Variants in GFOD2 observed in about 807,000 individuals in gnomAD.
GFOD2 encodes glucose-fructose oxidoreductase domain-containing protein 2.
Under a neutral mutation model 24.6 loss-of-function variants are expected in GFOD2, and 9 were observed. The ratio of observed to expected loss-of-function variants is 0.37; its 90% confidence interval spans 0.22 to 0.64. The LOEUF is 0.64. Among genes scored for constraint, GFOD2 ranks in the 30% least tolerant of loss-of-function variants. GFOD2 has a pLI of 0.65. For missense variants in GFOD2, 476 were observed against 532.5 expected (o/e 0.89, Z 1.04); for synonymous variants, 211 against 224.8 (o/e 0.94, Z 0.55).
intron 1 of GFOD2, among the ~76,000 whole-genome samples, chr16:67,708,837 A>G (rs951159993): frequency 6.6e-6 from 1 of 152,214 alleles, no homozygotes; most frequent in Admixed American, 6.5e-5. Context: ...GGCCAGTGTC[A>G]AGACCCATAC....
intron 1 of GFOD2, 43 bp from the exon 2 acceptor site, chr16:67,685,845 C>A (rs2053262801): frequency 6.1e-6 from 7 of 1,147,106 alleles, no homozygotes; most frequent in Non-Finnish European, 8.6e-6. Flanking sequence ...GGAGAGGACA[C>A]TCAGCTGAGG....
At chr16:67,709,069 G>A (rs548001628) in intron 1 of GFOD2, among the ~76,000 whole-genome samples, 2 of 152,080 alleles carry the variant, frequency 1.3e-5, no homozygotes, top group Non-Finnish European at 2.9e-5. Context: ...TTGGGAGGCC[G>A]AGGCAAGTGG....
At chr16:67,691,875 T>C (rs969719416) in intron 1 of GFOD2, among the ~76,000 whole-genome samples, 1 of 152,154 alleles carries the variant, frequency 6.6e-6, no homozygotes, top group Non-Finnish European at 1.5e-5. Flanking sequence ...ACACCAAAGT[T>C]ACCCTCTGAA....
chr16:67,697,107 G>A (rs1012495652), intron 1 of GFOD2, among the ~76,000 whole-genome samples: 1 of 152,176 alleles, frequency 6.6e-6, no homozygotes, highest in South Asian at 2.1e-4. Flanking sequence ...AGTGTGCCTT[G>A]GCAGGACAGG....
chr16:67,715,460 T>C (rs1811787653), intron 1 of GFOD2, among the ~76,000 whole-genome samples: 1 of 152,220 alleles, frequency 6.6e-6, no homozygotes, highest in South Asian at 2.1e-4. Flanking sequence ...CCCAACCCAA[T>C]GTCTAATTTA....
chr16:67,676,420 A>G (rs1055658743), intron 2 of GFOD2: 13 of 223,460 alleles, frequency 5.8e-5, no homozygotes, highest in African/African-American at 2.8e-4. Flanking sequence ...CCTGGCCCCA[A>G]TTTCTTCAAA....
chr16:67,699,011 T>TA (rs1156239297), intron 1 of GFOD2, among the ~76,000 whole-genome samples: 1 of 152,118 alleles, frequency 6.6e-6, no homozygotes, highest in Non-Finnish European at 1.5e-5. Context: ...CTCATAAACT[T>TA]AGGCACAAAA....
At chr16:67,701,932 T>C (rs1009626774) in intron 1 of GFOD2, among the ~76,000 whole-genome samples, 2 of 152,154 alleles carry the variant, frequency 1.3e-5, no homozygotes, top group African/African-American at 4.8e-5. Context: ...TTTCCCAGAC[T>C]GCCTGAACAT....
chr16:67,691,473 G>A (rs138123711), intron 1 of GFOD2, among the ~76,000 whole-genome samples: 2 of 150,734 alleles, frequency 1.3e-5, no homozygotes, highest in Non-Finnish European at 2.9e-5. Flanking sequence ...CTCCCAAAGC[G>A]CTAGGATTAC....
At chr16:67,705,143 G>T (rs1461003154) in intron 1 of GFOD2, among the ~76,000 whole-genome samples, 1 of 152,152 alleles carries the variant, frequency 6.6e-6, no homozygotes, top group Non-Finnish European at 1.5e-5. Context: ...CCCTGCCATG[G>T]TATCCATTAT....
intron 1 of GFOD2, among the ~76,000 whole-genome samples, chr16:67,710,426 G>T (rs893606881): frequency 6.6e-6 from 1 of 151,994 alleles, no homozygotes; most frequent in Admixed American, 6.6e-5. Flanking sequence ...GTGCAGTGGT[G>T]CGATCTCAGC....
At chr16:67,680,737 C>G in intron 2 of GFOD2, 1 of 976,276 alleles carries the variant, frequency 1.0e-6, no homozygotes. Flanking sequence ...CATTCAATCT[C>G]TTCAATTTAT....
At chr16:67,687,775 G>A (rs2053279533) in intron 1 of GFOD2, among the ~76,000 whole-genome samples, 2 of 143,982 alleles carry the variant, frequency 1.4e-5, no homozygotes, top group South Asian at 4.3e-4. Context: ...TTCAAGATCA[G>A]CACAAGCAAC....
chr16:67,713,983 C>T (rs544345175), intron 1 of GFOD2, among the ~76,000 whole-genome samples: 3 of 152,066 alleles, frequency 2.0e-5, no homozygotes, highest in Admixed American at 6.5e-5. Flanking sequence ...AAAGCAACTG[C>T]GGTTTTTGCC....
At chr16:67,700,861 C>G (rs562327817) in intron 1 of GFOD2, among the ~76,000 whole-genome samples, 1 of 148,408 alleles carries the variant, frequency 6.7e-6, no homozygotes, top group African/African-American at 2.5e-5. Context: ...GGTGAAACCC[C>G]GTTCCTACTA....
intron 1 of GFOD2, among the ~76,000 whole-genome samples, chr16:67,697,296 C>A (rs1006548364): frequency 6.6e-5 from 10 of 152,234 alleles, no homozygotes; most frequent in South Asian, 2.1e-4. Context: ...TTGTAGAATA[C>A]TTATAATTGG....
chr16:67,692,923 G>C (rs1326228063), intron 1 of GFOD2, among the ~76,000 whole-genome samples: 2 of 150,388 alleles, frequency 1.3e-5, no homozygotes, highest in Middle Eastern at 3.4e-3. Flanking sequence ...CCAGCTACTC[G>C]GGAGGCTGAG....
intron 2 of GFOD2, chr16:67,685,086 T>A: frequency 8.1e-7 from 1 of 1,227,040 alleles, no homozygotes; most frequent in Non-Finnish European, 1.0e-6. Flanking sequence ...CCTGTGGTGC[T>A]GTGTGCCCCA....
At chr16:67,707,314 C>T (rs764943898) in intron 1 of GFOD2, among the ~76,000 whole-genome samples, 12 of 150,098 alleles carry the variant, frequency 8.0e-5, no homozygotes, top group East Asian at 2.0e-4. Context: ...GTGAAGATCG[C>T]GCCATTGCAC....
Sources: gnomAD v4.1 joint callset for allele counts (sites outside exome capture counted in the v4.1 genomes callset) on GRCh38, gnomAD v4.1.1 for gene constraint, MANE v1.5 for transcripts, NCBI Gene and HGNC (gene_info 2026-07-23, HGNC 2026-07-21) for gene names.